The following IMMP2L variants were observed in gnomAD, a reference collection of about 807,000 sequenced individuals.
IMMP2L encodes the protein mitochondrial inner membrane protease subunit 2.
Under a neutral mutation model 19.3 loss-of-function variants are expected in IMMP2L, and 18 were observed. The ratio of observed to expected loss-of-function variants is 0.93; its 90% CI spans 0.64 to 1.38. The LOEUF is 1.38. Among genes scored for constraint, IMMP2L ranks in the 40% most tolerant of loss-of-function variants. The pLI is 0.00. For missense variants in IMMP2L, 233 were observed against 218.2 expected, an observed-to-expected ratio of 1.07 and a Z score of -0.43; for synonymous variants, 76 against 73.0, an observed-to-expected ratio of 1.04 and a Z score of -0.21.
Position 110,862,700 on chromosome 7 carries a change from C to T in IMMP2L, c.408+23893G>A, listed in dbSNP as rs1459145639. Among the ~76,000 whole-genome samples, 4 of 151,880 alleles carry T rather than the reference C, an allele frequency of 2.6e-5. No individual in the cohort carries two copies. In the East Asian group the frequency reaches 7.7e-4, roughly 29 times the overall value. On this transcript the variant is annotated intron_variant, in intron 5 of 5. Coordinates refer to ENST00000405709, the MANE Select transcript of IMMP2L (RefSeq NM_032549.4). The stretch of plus-strand genomic sequence containing the variant: ...TTTTGCATTCTCAAAATAACTAAAT[C>T]TTCCCCACTATTTCAGTGCCTATAA...
chr7:110,918,449 T>C (rs927238461), intron 4 of IMMP2L, among the ~76,000 whole-genome samples: 1 of 145,870 alleles, frequency 6.9e-6, no homozygotes, highest in South Asian at 2.1e-4. Flanking sequence ...CTTTTCTTTT[T>C]TTCTTTTTTT....
At chr7:111,207,271 G>A (rs1162424317) in intron 3 of IMMP2L, among the ~76,000 whole-genome samples, 1 of 152,098 alleles carries the variant, frequency 6.6e-6, no homozygotes, top group Admixed American at 6.5e-5. Context: ...AATAATCTTT[G>A]TGCCTCAGTT....
intron 3 of IMMP2L, among the ~76,000 whole-genome samples, chr7:111,153,623 G>A (rs1804313859): frequency 6.6e-6 from 1 of 151,918 alleles, no homozygotes. Flanking sequence ...TGGAAACATA[G>A]TAAAAGTATC....
In IMMP2L at chr7:111,457,991, T is replaced by C. The variant is rs2131978517; in HGVS notation, c.239+29247A>G. 1.3e-5 allele frequency among the ~76,000 whole-genome samples: 2 copies of C among 151,688 alleles called. 1 individual carries two copies. The highest frequency in any genetic ancestry group is 3.9e-4 in the East Asian group (2 of 5,168). ...TTCGAGTGCATTTTCATTGTATGAC[T>C]AAATTTCTATTAAAAATGTAAATAA... On this transcript the variant is annotated intron_variant, in intron 3 of 5. Transcript: ENST00000405709.
intron 3 of IMMP2L, among the ~76,000 whole-genome samples, chr7:111,365,177 G>A (rs528987121): frequency 5.9e-5 from 9 of 152,052 alleles, no homozygotes; most frequent in African/African-American, 1.9e-4. Context: ...TTAATACCCC[G>A]CAGTGGCCTT....
intron 3 of IMMP2L, among the ~76,000 whole-genome samples, chr7:111,261,257 A>G (rs1379325585): frequency 6.6e-6 from 1 of 152,120 alleles, no homozygotes; most frequent in Non-Finnish European, 1.5e-5. Context: ...TGAACCTCAT[A>G]ATATTCCCCG....
chr7:111,083,930 A>T (rs1796092500), intron 3 of IMMP2L, among the ~76,000 whole-genome samples: 1 of 152,240 alleles, frequency 6.6e-6, no homozygotes, highest in Non-Finnish European at 1.5e-5. Flanking sequence ...TAATAAATAT[A>T]ACAACAAAAA....
intron 3 of IMMP2L, among the ~76,000 whole-genome samples, chr7:111,382,315 A>C (rs749498821): frequency 6.6e-6 from 1 of 151,358 alleles, no homozygotes; most frequent in Non-Finnish European, 1.5e-5. Context: ...AGAAAAGTAC[A>C]TAATTTCAGA....
intron 3 of IMMP2L, among the ~76,000 whole-genome samples, chr7:111,060,542 A>C (rs1288784945): frequency 6.6e-6 from 1 of 152,196 alleles, no homozygotes; most frequent in Non-Finnish European, 1.5e-5. Context: ...GTCCAGGAGT[A>C]AAGCTGGTTG....
intron 5 of IMMP2L, among the ~76,000 whole-genome samples, chr7:110,873,429 C>CAAAAAAAAAAAA (rs60827428): frequency 3.5e-5 from 1 of 28,958 alleles, no homozygotes; most frequent in Non-Finnish European, 7.1e-5. Flanking sequence ...GACTCTATCT[C>CAAAAAAAAAAAA]AAAAAAAAAA....
chr7:111,201,156 G>T (rs901682885), intron 3 of IMMP2L, among the ~76,000 whole-genome samples: 8 of 151,928 alleles, frequency 5.3e-5, no homozygotes, highest in African/African-American at 1.5e-4. Context: ...TGCTTGGAGG[G>T]TCTGAAGACA....
At chr7:111,113,694 T>G (rs1454711177) in intron 3 of IMMP2L, among the ~76,000 whole-genome samples, 1 of 151,832 alleles carries the variant, frequency 6.6e-6, no homozygotes, top group Non-Finnish European at 1.5e-5. Context: ...GCAGGATAAT[T>G]GAAAGAGGGT....
intron 2 of IMMP2L, among the ~76,000 whole-genome samples, chr7:111,510,856 T>C (rs1039217249): frequency 1.3e-5 from 2 of 152,138 alleles, no homozygotes; most frequent in African/African-American, 4.8e-5. Flanking sequence ...TGCTTTACCT[T>C]CCTGTCTCTA....
At chr7:110,881,688 A>G (rs1334933901) in intron 5 of IMMP2L, among the ~76,000 whole-genome samples, 4 of 152,236 alleles carry the variant, frequency 2.6e-5, no homozygotes, top group African/African-American at 9.6e-5. Flanking sequence ...AAGTTACACA[A>G]GGAAAATGCT....
chr7:110,997,515 G>C (rs548237425), intron 3 of IMMP2L, among the ~76,000 whole-genome samples: 1 of 152,036 alleles, frequency 6.6e-6, no homozygotes, highest in Non-Finnish European at 1.5e-5. Context: ...CTAAATCCTC[G>C]CAAGCATTTG....
At chr7:110,904,354 A>G (rs1320072796) in intron 4 of IMMP2L, among the ~76,000 whole-genome samples, 1 of 151,946 alleles carries the variant, frequency 6.6e-6, no homozygotes, top group East Asian at 1.9e-4. Flanking sequence ...TTTTTCCCCT[A>G]TGTTTTCTTC....
At chr7:110,730,111 GGC>G (rs1432505176) in intron 5 of IMMP2L, among the ~76,000 whole-genome samples, 2 of 151,974 alleles carry the variant, frequency 1.3e-5, no homozygotes, top group African/African-American at 4.8e-5. Flanking sequence ...GTATTGTGAT[GGC>G]TAATATCCAG....
chr7:110,826,291 G>C (rs941753522), intron 5 of IMMP2L, among the ~76,000 whole-genome samples: 5 of 152,122 alleles, frequency 3.3e-5, no homozygotes, highest in African/African-American at 4.8e-5. Flanking sequence ...ATTCCTCGGG[G>C]ATCTAGAACT....
intron 3 of IMMP2L, among the ~76,000 whole-genome samples, chr7:110,998,568 T>A (rs1185262184): frequency 1.3e-5 from 2 of 152,206 alleles, no homozygotes; most frequent in Non-Finnish European, 2.9e-5. Flanking sequence ...TACGCTGCTC[T>A]TTTGAATTTT....
Sources: allele counts gnomAD v4.1 joint callset (sites outside exome capture counted in the v4.1 genomes callset), GRCh38; gene constraint gnomAD v4.1.1; transcripts MANE v1.5; gene names NCBI Gene and HGNC (gene_info 2026-07-23, HGNC 2026-07-21).